MOV10L1: variants seen among roughly 807,000 people sequenced by gnomAD.
The protein encoded by MOV10L1 is RNA helicase Mov10l1.
Under a neutral mutation model 143.8 loss-of-function variants are expected in MOV10L1, and 110 were observed. The ratio of observed to expected loss-of-function variants is 0.76; its 90% CI spans 0.66 to 0.90. The LOEUF is 0.90. Among genes scored for constraint, MOV10L1 ranks in the 40% least tolerant of loss-of-function variants. The pLI, the probability that MOV10L1 is intolerant of heterozygous loss-of-function variation, is 0.00. For missense variants in MOV10L1, 1,406 were observed against 1,526.8 expected, an observed-to-expected ratio of 0.92 and a Z score of 1.32; for synonymous variants, 593 against 581.1, an observed-to-expected ratio of 1.02 and a Z score of -0.29.
At chr22:50,112,543 G>A (rs994373933) in intron 5 of MOV10L1, among the ~76,000 whole-genome samples, 1 of 152,198 alleles carries the variant, frequency 6.6e-6, no homozygotes, top group Admixed American at 6.5e-5. Flanking sequence ...CTTTAGGCTA[G>A]TAATGCTTGA....
intron 3 of MOV10L1, among the ~76,000 whole-genome samples, chr22:50,106,266 C>G (rs1360351383): frequency 1.3e-5 from 2 of 151,690 alleles, no homozygotes; most frequent in Non-Finnish European, 2.9e-5. Context: ...TAAGTCATCC[C>G]ACCTTAGCCT....
chr22:50,141,176 G>A (rs370942122), intron 15 of MOV10L1, among the ~76,000 whole-genome samples: 2 of 151,840 alleles, frequency 1.3e-5, no homozygotes, highest in South Asian at 2.1e-4. Context: ...TCAGCCTCCC[G>A]AGTAGCTGGT....
At chr22:50,109,670 CA>C (rs35087419) in intron 5 of MOV10L1, 29,967 of 107,124 alleles carry the variant, frequency 0.28, 2,184 homozygotes, top group Admixed American at 0.37. Flanking sequence ...GACTCCTTCT[CA>C]AAAAAAAAAA....
Position 50,097,833 on chromosome 22 carries a change from G to GT in MOV10L1, c.283-1603dup, listed in dbSNP as rs568268171. Among the ~76,000 whole-genome samples the GT allele has an allele frequency of 2.4e-3, 369 of 151,970 alleles. 3 individuals are homozygous for GT. Among genetic ancestry groups the GT allele is most frequent in the African/African-American group, 8.5e-3 (353 of 41,442 alleles). The stretch of plus-strand genomic sequence containing the variant: ...ATAGGGATTGCGTTGCATTTGTTGG[G>GT]TTTTTTTGTTGTTTGTTTGAGACAG... On this transcript the variant is annotated intron_variant, in intron 2 of 26. Transcript: ENST00000262794.
At chr22:50,110,362 T>A (rs553086901) in intron 5 of MOV10L1, among the ~76,000 whole-genome samples, 6 of 150,252 alleles carry the variant, frequency 4.0e-5, no homozygotes, top group South Asian at 2.1e-4. Context: ...GGCAGGAGAA[T>A]GGCGTGAACC....
Position 50,104,328 on chromosome 22 carries a change from T to C in MOV10L1, c.443-3808T>C, listed in dbSNP as rs1004287668. 2.8e-4 allele frequency among the ~76,000 whole-genome samples: 42 copies of C among 152,224 alleles called. 1 individual carries two copies. Among genetic ancestry groups the C allele is most frequent in the Admixed American group, 2.7e-3 (41 of 15,282 alleles). ...CTGTCTACTCTCCCCCAGCCTGCCC[T>C]GTGTGGACTGTCCAGCCTTGTTCTT... On this transcript the variant is annotated intron_variant, in intron 3 of 26. Coordinates refer to ENST00000262794, the MANE Select transcript of MOV10L1 (RefSeq NM_018995.3).
At chr22:50,113,350 C>G (rs1288656999) in intron 5 of MOV10L1, among the ~76,000 whole-genome samples, 1 of 152,168 alleles carries the variant, frequency 6.6e-6, no homozygotes, top group African/African-American at 2.4e-5. Flanking sequence ...CCACCCTAAC[C>G]CTGCACTCTG....
intron 3 of MOV10L1, among the ~76,000 whole-genome samples, chr22:50,100,676 T>C (rs1450666428): frequency 1.3e-5 from 2 of 152,062 alleles, no homozygotes; most frequent in Non-Finnish European, 2.9e-5. Context: ...AGGCTAACTT[T>C]TTGTGTCTTT....
chr22:50,155,696 G>A (rs746574342), intron 22 of MOV10L1, among the ~76,000 whole-genome samples: 7 of 152,240 alleles, frequency 4.6e-5, no homozygotes, highest in African/African-American at 7.2e-5. Flanking sequence ...AGCTGGTCTC[G>A]AACTCCTGAC....
chr22:50,143,556 A>G (rs574281749), intron 17 of MOV10L1, among the ~76,000 whole-genome samples: 2 of 152,352 alleles, frequency 1.3e-5, no homozygotes, highest in South Asian at 4.1e-4. Flanking sequence ...AGTTAAGTTT[A>G]TGAAACTATT....
chr22:50,118,923 T>C (rs558827582), intron 9 of MOV10L1, among the ~76,000 whole-genome samples: 1 of 152,304 alleles, frequency 6.6e-6, no homozygotes, highest in Non-Finnish European at 1.5e-5. Context: ...GTCATCGGTT[T>C]CTTTAACTCT....
chr22:50,103,049 G>A (rs1263147665), intron 3 of MOV10L1, among the ~76,000 whole-genome samples: 1 of 152,218 alleles, frequency 6.6e-6, no homozygotes, highest in East Asian at 1.9e-4. Context: ...GGTGTGGCGG[G>A]AGGAGGGTCC....
intron 24 of MOV10L1, among the ~76,000 whole-genome samples, chr22:50,160,174 G>A (rs548659154): frequency 1.8e-4 from 27 of 151,710 alleles, no homozygotes; most frequent in Non-Finnish European, 2.8e-4. Flanking sequence ...ATGGAGTGCC[G>A]ATGAGACCCA....
rs1259467304 is a variant in MOV10L1, at chr22:50,090,042, CG to C, written c.-44del. 2 of 1,004,684 alleles carry C rather than the reference CG, an allele frequency of 2.0e-6. No individual in the cohort carries two copies. The highest frequency in any genetic ancestry group is 3.9e-4 in the Middle Eastern group (1 of 2,590). The allele number at this position is 1,004,684 out of a possible 1,614,324, so 62.2% of individuals were successfully genotyped here. ...GCGGCGGGAGCGGCGCGGGCGCGTG[CG>C]GGCGGCGGCAGCGGCGGTGACGGCA... On this transcript the variant is annotated 5_prime_UTR_variant, in exon 1 of 27. Coordinates refer to ENST00000262794, the MANE Select transcript of MOV10L1 (RefSeq NM_018995.3).
In MOV10L1 at chr22:50,159,576, TG is replaced by T; in HGVS notation, c.3217-99del. ...GAGATCACGCCACTGCACTGCAGCCTGGGTGACAGAGTAATACTCCATCTCA... is the reference window on the plus strand; with the variant it reads ...GAGATCACGCCACTGCACTGCAGCCTGGTGACAGAGTAATACTCCATCTCA... On this transcript the variant is annotated intron_variant, in intron 23 of 26. Coordinates refer to ENST00000262794, the MANE Select transcript of MOV10L1 (RefSeq NM_018995.3). The surrounding 1 kb of genome is among the most constrained non-coding windows in gnomAD (Gnocchi z 4.1). 1 of 693,190 alleles carries T rather than the reference TG, an allele frequency of 1.4e-6. No individual in the cohort carries two copies. 42.9% of individuals were successfully genotyped at this position (693,190 alleles called of 1,614,324 possible). A position where few individuals can be genotyped will look rare whatever the true frequency, so the allele number is the denominator to read the frequency against.
chr22:50,145,842 C>CCT, intron 19 of MOV10L1, 32 bp downstream of exon 19: 2 of 1,611,500 alleles, frequency 1.2e-6, no homozygotes, highest in Non-Finnish European at 1.7e-6. Context: ...CGGCATGGGG[C>CCT]CTCCCAGGGC....
rs565648488 is a variant in MOV10L1 at position 50,134,698 on chromosome 22, G to T, written c.2070+68G>T. ...CAGCGACGTGGCTGTCTTTACATAG[G>T]GGGTGGCTCAGCGGCGTGACTGTCT... On this transcript the variant is annotated intron_variant, in intron 15 of 26. Transcript: ENST00000262794. 2.8e-5 allele frequency: 39 copies of T among 1,409,208 alleles called. No individual in the cohort carries two copies. The Admixed American group carries it at 3.0e-4, about 11-fold the overall frequency. 87.3% of individuals were successfully genotyped at this position (1,409,208 alleles called of 1,614,324 possible).
chr22:50,111,249 AAG>A (rs1219760730), intron 5 of MOV10L1, among the ~76,000 whole-genome samples: 9 of 152,176 alleles, frequency 5.9e-5, no homozygotes, highest in East Asian at 1.9e-4. Flanking sequence ...CTGGAGGAGA[AAG>A]AGGGTGCGGT....
At chr22:50,098,275 A>AATCACTT (rs1569268652) in intron 2 of MOV10L1, among the ~76,000 whole-genome samples, 3 of 89,454 alleles carry the variant, frequency 3.4e-5, no homozygotes, top group Non-Finnish European at 8.7e-5. Context: ...ATAATCACAT[A>AATCACTT]ATCACTTTGA....
Sources: gnomAD v4.1 joint callset for allele counts (sites outside exome capture counted in the v4.1 genomes callset) on GRCh38, gnomAD v4.1.1 for gene constraint, Gnocchi (gnomAD v3.1) non-coding constraint, MANE v1.5 for transcripts, NCBI Gene and HGNC (gene_info 2026-07-23, HGNC 2026-07-21) for gene names.